Variants in PPARGC1A observed in about 807,000 individuals in gnomAD.
PPARGC1A encodes peroxisome proliferator-activated receptor gamma coactivator 1-alpha.
A neutral mutation model predicts 88.7 loss-of-function variants in PPARGC1A; 25 were observed. The ratio of observed to expected loss-of-function variants is 0.28; its 90% CI spans 0.21 to 0.39. The LOEUF (loss-of-function observed/expected upper bound fraction) is 0.39, where lower values mean the gene tolerates loss of function less well. PPARGC1A is among the 10% of genes least tolerant of loss of function. PPARGC1A has a pLI of 1.00. For missense variants in PPARGC1A, 880 were observed against 968.7 expected (o/e 0.91, Z 1.22); for synonymous variants, 363 against 355.6 (o/e 1.02, Z -0.24).
the PPARGC1A span, among the ~76,000 whole-genome samples, chr4:23,968,263 G>A: frequency 6.6e-6 from 1 of 152,226 alleles, no homozygotes. Context: ...ATATTCAGTA[G>A]GGCATACAGC....
At chr4:24,376,532 C>T in the PPARGC1A span, among the ~76,000 whole-genome samples, 2 of 152,134 alleles carry the variant, frequency 1.3e-5, no homozygotes, top group African/African-American at 2.4e-5. Context: ...AGTTTTAAGC[C>T]GTTTTTGAGC....
At chr4:24,020,233 T>C in the PPARGC1A span, among the ~76,000 whole-genome samples, 6 of 152,204 alleles carry the variant, frequency 3.9e-5, no homozygotes, top group African/African-American at 1.4e-4. Context: ...TGGTTTTCCA[T>C]TAGCAGGACT....
the PPARGC1A span, among the ~76,000 whole-genome samples, chr4:23,928,095 A>G: frequency 1.3e-5 from 2 of 152,298 alleles, no homozygotes; most frequent in Middle Eastern, 3.4e-3. Context: ...TCCCAGCCGA[A>G]TATCAACCCC....
At chr4:24,015,133 C>T in the PPARGC1A span, among the ~76,000 whole-genome samples, 7 of 152,008 alleles carry the variant, frequency 4.6e-5, no homozygotes, top group Non-Finnish European at 7.4e-5. Flanking sequence ...GCCAATATTT[C>T]ATCATATTTA....
At chr4:24,243,444 G>T in the PPARGC1A span, among the ~76,000 whole-genome samples, 1 of 152,166 alleles carries the variant, frequency 6.6e-6, no homozygotes, top group Admixed American at 6.5e-5. Context: ...TTCAGTCAAT[G>T]AACTTGATGA....
the PPARGC1A span, among the ~76,000 whole-genome samples, chr4:24,214,952 A>T: frequency 1.3e-5 from 2 of 152,216 alleles, no homozygotes; most frequent in African/African-American, 4.8e-5. Flanking sequence ...TGTGCTGCTC[A>T]TTGTAACCAA....
At chr4:24,415,632 A>C in the PPARGC1A span, among the ~76,000 whole-genome samples, 1 of 152,196 alleles carries the variant, frequency 6.6e-6, no homozygotes, top group Non-Finnish European at 1.5e-5. Context: ...GTGTTGCCAG[A>C]ACACTGAGAA....
chr4:24,231,695 T>C, the PPARGC1A span, among the ~76,000 whole-genome samples: 2 of 152,090 alleles, frequency 1.3e-5, no homozygotes, highest in African/African-American at 2.4e-5. Flanking sequence ...ACACAAAGAA[T>C]GGGGGTGCCG....
the PPARGC1A span, among the ~76,000 whole-genome samples, chr4:24,142,540 G>A: frequency 6.6e-6 from 1 of 152,110 alleles, no homozygotes; most frequent in East Asian, 1.9e-4. Context: ...CAGGTGTCAT[G>A]GCGGGTGCCT....
chr4:23,824,106 T>C (rs1723479051), intron 7 of PPARGC1A, among the ~76,000 whole-genome samples, 174 bp downstream of exon 7: 1 of 128,508 alleles, frequency 7.8e-6, no homozygotes, highest in African/African-American at 2.6e-5. Flanking sequence ...TATTTTTTAT[T>C]AGTTTTTTTT....
the PPARGC1A span, among the ~76,000 whole-genome samples, chr4:24,104,883 A>T: frequency 6.6e-6 from 1 of 152,208 alleles, no homozygotes. Context: ...CAAATACTGC[A>T]GTTCACCAGC....
chr4:23,983,956 T>C, the PPARGC1A span, among the ~76,000 whole-genome samples: 4 of 152,056 alleles, frequency 2.6e-5, no homozygotes, highest in Admixed American at 2.6e-4. Flanking sequence ...TCTCCTACCA[T>C]TTTCAATTGT....
the PPARGC1A span, among the ~76,000 whole-genome samples, chr4:24,359,955 T>C: frequency 6.6e-6 from 1 of 152,062 alleles, no homozygotes; most frequent in Admixed American, 6.6e-5. Flanking sequence ...AACTAATACA[T>C]CCCTCAAGAC....
At chr4:24,469,224 C>G in the PPARGC1A span, among the ~76,000 whole-genome samples, 2 of 152,066 alleles carry the variant, frequency 1.3e-5, no homozygotes, top group Non-Finnish European at 2.9e-5. Flanking sequence ...TAAAGTATCG[C>G]CTTTGTTGTA....
the PPARGC1A span, among the ~76,000 whole-genome samples, chr4:24,251,218 C>T: frequency 1.3e-5 from 2 of 152,178 alleles, no homozygotes; most frequent in Non-Finnish European, 2.9e-5. Flanking sequence ...TGTTCAAATC[C>T]TGGCTGTGCC....
chr4:23,890,989 T>C (rs981485357), upstream of PPARGC1A, among the ~76,000 whole-genome samples: 2 of 152,122 alleles, frequency 1.3e-5, no homozygotes, highest in Non-Finnish European at 2.9e-5. Context: ...CCCTGGGTTG[T>C]GTAGTTTGCG....
At chr4:23,925,057 T>A in the PPARGC1A span, among the ~76,000 whole-genome samples, 39 of 152,350 alleles carry the variant, frequency 2.6e-4, no homozygotes, top group Admixed American at 9.8e-4. Context: ...AAGAAACGTG[T>A]AAGCACAATT....
At chr4:24,335,085 G>C in the PPARGC1A span, among the ~76,000 whole-genome samples, 2 of 152,134 alleles carry the variant, frequency 1.3e-5, no homozygotes, top group African/African-American at 4.8e-5. Flanking sequence ...TATCGCATTC[G>C]GAGGAAATAA....
the PPARGC1A span, among the ~76,000 whole-genome samples, chr4:24,373,834 TTC>T: frequency 6.6e-6 from 1 of 152,210 alleles, no homozygotes; most frequent in Admixed American, 6.5e-5. Flanking sequence ...CTTTTTCACT[TTC>T]TGTGTTGACA....
Sources: gnomAD v4.1 joint callset for allele counts (sites outside exome capture counted in the v4.1 genomes callset) on GRCh38, gnomAD v4.1.1 for gene constraint, MANE v1.5 for transcripts, NCBI Gene and HGNC (gene_info 2026-07-23, HGNC 2026-07-21) for gene names.